SLC5A9: variants seen among roughly 807,000 people sequenced by gnomAD.
The protein encoded by SLC5A9 is sodium/glucose cotransporter 4.
SLC5A9 carries 59 observed loss-of-function variants against 70.9 expected under a neutral mutation model. The observed-to-expected ratio is 0.83, with a 90% CI of 0.68 to 1.03. The LOEUF is 1.03. SLC5A9 is among the 50% of genes least tolerant of loss of function. SLC5A9 has a pLI of 0.00. For missense variants in SLC5A9, 832 were observed against 881.1 expected (o/e 0.94, Z 0.71); for synonymous variants, 340 against 346.5 (o/e 0.98, Z 0.21).
At chr1:48,237,429 C>T (rs924800353) in intron 10 of SLC5A9, among the ~76,000 whole-genome samples, 1 of 151,894 alleles carries the variant, frequency 6.6e-6, no homozygotes, top group African/African-American at 2.4e-5. Context: ...ACCTTGAAGC[C>T]GTCTAATATA....
rs892720215 is a variant in SLC5A9 at position 48,239,732 on chromosome 1, T to C, written c.1677+195T>C. 6.6e-6 allele frequency among the ~76,000 whole-genome samples: 1 copy of C among 152,210 alleles called. No homozygotes were observed. Among genetic ancestry groups the C allele is most frequent in the Non-Finnish European group, 1.5e-5 (1 of 68,042 alleles). On this transcript the variant is annotated intron_variant, in intron 12 of 13. Transcript: ENST00000438567. This position sits in a 1 kb window ranked among gnomAD's most constrained non-coding sequence, Gnocchi z 4.2. Reference sequence around the variant, plus strand: ...TTCATTCAACTCGAAAATTACTCAGTGAGTACTTACTATGTGCTAGGCACT... The same window carrying C: ...TTCATTCAACTCGAAAATTACTCAGCGAGTACTTACTATGTGCTAGGCACT...
At chr1:48,223,035 C>G (rs1644094197) in intron 1 of SLC5A9, 137 bp downstream of exon 1, 2 of 890,680 alleles carry the variant, frequency 2.2e-6, no homozygotes, top group African/African-American at 3.4e-5. Flanking sequence ...GAAGGGCCTT[C>G]AGGAATCAGG....
intron 13 of SLC5A9, among the ~76,000 whole-genome samples, chr1:48,244,832 A>AAATTATATT (rs1247451660): frequency 0.029 from 3,357 of 116,126 alleles, 10 homozygotes; most frequent in Non-Finnish European, 0.035. Context: ...TATTATATAT[A>AAATTATATT]TAAATTATAT....
At chr1:48,231,647 A>G in intron 6 of SLC5A9, 22 bp downstream of exon 6, 2 of 1,612,834 alleles carry the variant, frequency 1.2e-6, no homozygotes, top group South Asian at 2.2e-5. Flanking sequence ...ACCTAAATAT[A>G]CCCCACTGTC....
chr1:48,227,499 G>C (rs1449392130), intron 2 of SLC5A9, among the ~76,000 whole-genome samples: 2 of 147,880 alleles, frequency 1.4e-5, no homozygotes, highest in Non-Finnish European at 3.0e-5. Flanking sequence ...GCATGTGTGT[G>C]TCAGAGTGTG....
intron 10 of SLC5A9, 110 bp downstream of exon 10, chr1:48,235,989 C>T (rs1238935917): frequency 1.6e-6 from 2 of 1,277,210 alleles, no homozygotes; most frequent in African/African-American, 2.9e-5. Context: ...GCAGCCAGAG[C>T]ACCGGGTTCA....
chr1:48,247,311 T>G, intron 13 of SLC5A9, 24 bp from the exon 14 acceptor site: 1 of 1,610,520 alleles, frequency 6.2e-7, no homozygotes, highest in Non-Finnish European at 8.5e-7. Context: ...TGCTCTCCTT[T>G]GTCTTCTGGC....
chr1:48,241,243 C>A (rs1348562231), intron 12 of SLC5A9: 1 of 152,318 alleles, frequency 6.6e-6, no homozygotes, highest in Non-Finnish European at 1.5e-5. Flanking sequence ...ACAGCCAAAA[C>A]CCCTCTCCCA....
chr1:48,246,002 G>T (rs947961746), intron 13 of SLC5A9, among the ~76,000 whole-genome samples: 6 of 151,122 alleles, frequency 4.0e-5, no homozygotes, highest in African/African-American at 1.5e-4. Context: ...TTTTAAATAT[G>T]AAAAATATTT....
Position 48,239,515 on chromosome 1 carries a change from C to CAACT in SLC5A9, c.1656_1659dup (p.Pro554AsnfsTer5). ...GTCATTGTCATTGTCAGCCTCTGTA[C>CAACT]AACTCCCATCCCTGAGGAACAGGCA... On this transcript the variant is annotated frameshift_variant, in exon 12 of 14. Transcript: ENST00000438567. LOFTEE classifies it high-confidence loss of function. This position sits in a 1 kb window ranked among gnomAD's most constrained non-coding sequence, Gnocchi z 4.2. The CAACT allele has an allele frequency of 6.2e-7, 1 of 1,614,184 alleles. No homozygotes were observed. The highest frequency in any genetic ancestry group is 8.5e-7 in the Non-Finnish European group (1 of 1,180,020).
intron 13 of SLC5A9, among the ~76,000 whole-genome samples, chr1:48,245,154 G>A (rs891307628): frequency 3.3e-5 from 5 of 150,394 alleles, no homozygotes; most frequent in African/African-American, 9.8e-5. Context: ...TAAAACTTAC[G>A]GTATTGAAGA....
At chr1:48,234,283 C>T (rs533080580) in intron 9 of SLC5A9, among the ~76,000 whole-genome samples, 2 of 152,258 alleles carry the variant, frequency 1.3e-5, no homozygotes, top group African/African-American at 2.4e-5. Flanking sequence ...CCAGTGTGGA[C>T]GCAAGAGCCA....
intron 13 of SLC5A9, among the ~76,000 whole-genome samples, chr1:48,245,166 A>G (rs946583401): frequency 4.0e-5 from 6 of 151,418 alleles, no homozygotes; most frequent in Admixed American, 2.6e-4. Context: ...TATTGAAGAA[A>G]GCAATCTGAG....
rs756064510 is a variant in SLC5A9 at position 48,247,336 on chromosome 1, C to T, written c.1839C>T (p.Ala613=). Residue 613 remains alanine, a splice_region_variant and synonymous_variant, in exon 14 of 14, where the codon GCC becomes GCT. Coordinates refer to ENST00000438567, the MANE Select transcript of SLC5A9 (RefSeq NM_001011547.3). ...NSSLGQEQPE[A]PSRSWGKLLW... ...TGTCTTCTGGCTTTGTCCCTCCAGC[C>T]CCAAGCAGGTCCTGGGGAAAGTTGC... is the stretch of plus-strand genomic sequence containing the variant. 6.2e-7 allele frequency: 1 copy of T among 1,613,706 alleles called. No homozygotes were observed. Among genetic ancestry groups the T allele is most frequent in the Non-Finnish European group, 8.5e-7 (1 of 1,179,880 alleles).
At chr1:48,235,090 G>A (rs1644308427) in intron 9 of SLC5A9, among the ~76,000 whole-genome samples, 2 of 152,088 alleles carry the variant, frequency 1.3e-5, no homozygotes, top group African/African-American at 4.8e-5. Context: ...TAGAAGCTTG[G>A]TCACTGTCAG....
At chr1:48,246,020 A>C (rs1644456738) in intron 13 of SLC5A9, among the ~76,000 whole-genome samples, 1 of 151,840 alleles carries the variant, frequency 6.6e-6, no homozygotes, top group Admixed American at 6.6e-5. Flanking sequence ...TTTAAAGGAC[A>C]GCAGAGTAGA....
At chr1:48,241,834 T>C in intron 12 of SLC5A9, 1 of 432,236 alleles carries the variant, frequency 2.3e-6, no homozygotes, top group East Asian at 7.0e-5. Flanking sequence ...ACATGTCTGG[T>C]CACCCAAGGC....
intron 4 of SLC5A9, 113 bp from the exon 5 acceptor site, chr1:48,230,487 C>A: frequency 1.4e-6 from 1 of 707,654 alleles, no homozygotes; most frequent in Non-Finnish European, 2.5e-6. Flanking sequence ...TCATTTTCAT[C>A]ATGTGATGAG....
Position 48,239,905 on chromosome 1 carries a change from C to G in SLC5A9, c.1677+368C>G, listed in dbSNP as rs1644372943. On this transcript the variant is annotated intron_variant, in intron 12 of 13. Coordinates refer to ENST00000438567, the MANE Select transcript of SLC5A9 (RefSeq NM_001011547.3). This position sits in a 1 kb window ranked among gnomAD's most constrained non-coding sequence, Gnocchi z 4.2. The stretch of plus-strand genomic sequence containing the variant: ...CCAAGAACAGAGGGAGAGGCAGTCA[C>G]CTCCTGGGGGCCCAGGGAGGGCACA... 6.6e-6 allele frequency among the ~76,000 whole-genome samples: 1 copy of G among 152,204 alleles called. No homozygotes were observed. The highest frequency in any genetic ancestry group is 1.5e-5 in the Non-Finnish European group (1 of 68,038).
Sources: gnomAD v4.1 joint callset for allele counts (sites outside exome capture counted in the v4.1 genomes callset) on GRCh38, gnomAD v4.1.1 for gene constraint, Gnocchi (gnomAD v3.1) non-coding constraint, MANE v1.5 for transcripts, NCBI Gene and HGNC (gene_info 2026-07-23, HGNC 2026-07-21) for gene names.